The following APPL2 variants were observed in gnomAD, a reference collection of about 807,000 sequenced individuals.
The protein encoded by APPL2 is DCC-interacting protein 13-beta.
In APPL2, 84 loss-of-function variants were observed where a neutral mutation model predicts 92.7. That is an observed-to-expected ratio of 0.91 (90% CI 0.76 to 1.09). The LOEUF (loss-of-function observed/expected upper bound fraction) is 1.09. APPL2 is among the 50% of genes least tolerant of loss of function. The pLI, the probability that APPL2 is intolerant of heterozygous loss-of-function variation, is 0.00. For synonymous variants in APPL2, 291 were observed against 291.0 expected, an observed-to-expected ratio of 1.00 and a Z score of 0.00; for missense variants, 736 against 824.5, an observed-to-expected ratio of 0.89 and a Z score of 1.31.
intron 2 of APPL2, among the ~76,000 whole-genome samples, chr12:105,228,496 T>C (rs1890688816): frequency 6.6e-6 from 1 of 152,224 alleles, no homozygotes; most frequent in African/African-American, 2.4e-5. Flanking sequence ...GTTACCATAA[T>C]ATTGTGATGT....
intron 4 of APPL2, among the ~76,000 whole-genome samples, chr12:105,214,531 G>A (rs917363889): frequency 1.3e-5 from 2 of 152,206 alleles, no homozygotes; most frequent in African/African-American, 2.4e-5. Context: ...AGAGAGCCAC[G>A]CAGTGCATGT....
At chr12:105,174,886 G>GGGC (rs1480627928) in intron 20 of APPL2, among the ~76,000 whole-genome samples, 1 of 140,604 alleles carries the variant, frequency 7.1e-6, no homozygotes, top group Admixed American at 7.1e-5. Context: ...TGGGGGGGGG[G>GGGC]GTGGTGCGGC....
intron 1 of APPL2, among the ~76,000 whole-genome samples, chr12:105,235,110 T>C (rs73397660): frequency 0.023 from 3,504 of 152,214 alleles, 111 homozygotes; most frequent in African/African-American, 0.066. Context: ...GTTGAGACAC[T>C]AGGAAATAAA....
chr12:105,202,132 G>C (rs1888261724), intron 9 of APPL2, among the ~76,000 whole-genome samples: 1 of 152,234 alleles, frequency 6.6e-6, no homozygotes, highest in Non-Finnish European at 1.5e-5. Flanking sequence ...TCTGAATCAA[G>C]TGCTGCAAGG....
At chr12:105,224,217 C>T (rs1315795036) in intron 2 of APPL2, among the ~76,000 whole-genome samples, 7 of 152,222 alleles carry the variant, frequency 4.6e-5, no homozygotes, top group African/African-American at 1.7e-4. Context: ...TACATATGCA[C>T]CTCCTCTCAG....
intron 17 of APPL2, among the ~76,000 whole-genome samples, chr12:105,178,720 C>T (rs1267002948): frequency 6.6e-6 from 1 of 152,178 alleles, no homozygotes; most frequent in African/African-American, 2.4e-5. Flanking sequence ...GTGGTAAGAA[C>T]CCCCACTTCC....
At chr12:105,226,848 G>T (rs986896445) in intron 2 of APPL2, among the ~76,000 whole-genome samples, 1 of 152,068 alleles carries the variant, frequency 6.6e-6, no homozygotes, top group Non-Finnish European at 1.5e-5. Context: ...TAATTCTTTT[G>T]GTCATTAAAA....
At chr12:105,201,731 C>T (rs1245476704) in intron 9 of APPL2, among the ~76,000 whole-genome samples, 1 of 152,026 alleles carries the variant, frequency 6.6e-6, no homozygotes, top group Non-Finnish European at 1.5e-5. Context: ...TACACACACA[C>T]ATATATATAA....
chr12:105,189,973 AC>A lies in APPL2; in HGVS notation c.1406+17del. 1.9e-6 allele frequency: 3 copies of A among 1,612,750 alleles called. No homozygotes were observed. The highest frequency in any genetic ancestry group is 2.5e-6 in the Non-Finnish European group (3 of 1,178,900). On this transcript the variant is annotated intron_variant, in intron 15 of 20. Transcript: ENST00000258530. ...TTTACTTTCAGTTCTCCCAGAGATA[AC>A]CTCTCTCAGCCCATACCTGCTCCCT...
At chr12:105,203,807 T>A in intron 8 of APPL2, 22 bp from the exon 9 acceptor site, 2 of 1,593,854 alleles carry the variant, frequency 1.3e-6, no homozygotes, top group Non-Finnish European at 1.7e-6. Flanking sequence ...AATTATAATA[T>A]TCTGAAAATC....
At position 105,199,363 on chromosome 12, in the gene APPL2, G is replaced by A; in HGVS notation, c.863+10C>T. On this transcript the variant is annotated intron_variant, in intron 10 of 20. Transcript: ENST00000258530. Reference sequence around the variant, plus strand: ...ATTTCAGAAAAAGAGGCAGACGGTGGCGTTCTCACTTTCTAAGATTAAGGT... The same window carrying A: ...ATTTCAGAAAAAGAGGCAGACGGTGACGTTCTCACTTTCTAAGATTAAGGT... The A allele has an allele frequency of 1.2e-6, 2 of 1,605,350 alleles. No homozygotes were observed. The highest frequency in any genetic ancestry group is 2.2e-5 in the South Asian group (2 of 89,716).
At chr12:105,186,782 C>T (rs933567819) in intron 17 of APPL2, among the ~76,000 whole-genome samples, 40 of 149,358 alleles carry the variant, frequency 2.7e-4, no homozygotes, top group African/African-American at 9.6e-4. Context: ...CGTGCGCACG[C>T]CATCTTAATA....
At chr12:105,203,260 T>A (rs765916458) in intron 9 of APPL2, among the ~76,000 whole-genome samples, 4 of 152,214 alleles carry the variant, frequency 2.6e-5, no homozygotes, top group Non-Finnish European at 5.9e-5. Flanking sequence ...AAGACAGTGA[T>A]GTTGTATTTC....
intron 4 of APPL2, among the ~76,000 whole-genome samples, chr12:105,212,792 G>A (rs897322273): frequency 1.3e-5 from 2 of 152,226 alleles, no homozygotes; most frequent in Non-Finnish European, 2.9e-5. Context: ...TCTCCCAACA[G>A]ATCTGGTCCT....
intron 1 of APPL2, among the ~76,000 whole-genome samples, chr12:105,231,304 AAG>A (rs1282847471): frequency 4.6e-5 from 7 of 152,232 alleles, no homozygotes; most frequent in Non-Finnish European, 7.3e-5. Flanking sequence ...TAAAAAGGGA[AAG>A]AGAGGGTTTG....
Position 105,224,675 on chromosome 12 carries a change from C to T in APPL2, c.153+4450G>A, listed in dbSNP as rs141700115. Among the ~76,000 whole-genome samples the T allele has an allele frequency of 2.6e-4, 40 of 152,266 alleles. No individual in the cohort carries two copies. In the East Asian group the frequency reaches 4.0e-3, roughly 15 times the overall value. On this transcript the variant is annotated intron_variant, in intron 2 of 20. Coordinates refer to ENST00000258530, the MANE Select transcript of APPL2 (RefSeq NM_018171.5). ...TGAAAGCTGAGTGGCCAGCCTAGTG[C>T]GTGGCACTTTTATGTGCCTAAGAAA...
intron 1 of APPL2, among the ~76,000 whole-genome samples, chr12:105,234,019 G>C (rs1219712977): frequency 6.6e-6 from 1 of 152,176 alleles, no homozygotes; most frequent in East Asian, 1.9e-4. Context: ...ACATACAAGA[G>C]AGTAGTATAT....
intron 2 of APPL2, among the ~76,000 whole-genome samples, chr12:105,227,667 C>T (rs757672695): frequency 6.6e-5 from 10 of 152,170 alleles, no homozygotes; most frequent in South Asian, 2.1e-4. Flanking sequence ...CTTCTTTCCA[C>T]TTCTACTGCC....
At chr12:105,233,326 A>T (rs1306242986) in intron 1 of APPL2, 30 of 985,382 alleles carry the variant, frequency 3.0e-5, no homozygotes, top group Non-Finnish European at 3.4e-5. Context: ...CAGATTTCTT[A>T]ATCCCTAAAA....
Sources: allele counts gnomAD v4.1 joint callset (sites outside exome capture counted in the v4.1 genomes callset), GRCh38; gene constraint gnomAD v4.1.1; transcripts MANE v1.5; gene names NCBI Gene and HGNC (gene_info 2026-07-23, HGNC 2026-07-21).